KHDRBS2: variants seen among roughly 807,000 people sequenced by gnomAD.
KHDRBS2 encodes KH RNA binding domain containing, signal transduction associated 2.
A neutral mutation model predicts 44.3 loss-of-function variants in KHDRBS2; 26 were observed. The ratio of observed to expected loss-of-function variants is 0.59; its 90% CI spans 0.43 to 0.81. KHDRBS2 has a LOEUF of 0.81. Ranked by LOEUF, KHDRBS2 falls within the 40% of genes least tolerant of loss-of-function variation. The pLI is 0.00. For synonymous variants in KHDRBS2, 194 were observed against 151.1 expected (o/e 1.28, Z -2.08); for missense variants, 476 against 433.1 (o/e 1.10, Z -0.88).
At chr6:62,109,153 T>TC (rs1562883795) in intron 2 of KHDRBS2, among the ~76,000 whole-genome samples, 1 of 151,132 alleles carries the variant, frequency 6.6e-6, no homozygotes, top group African/African-American at 2.4e-5. Context: ...AAGGGACGGT[T>TC]GTCCTAGAAA....
chr6:62,129,840 T>C (rs1809864751), intron 2 of KHDRBS2, among the ~76,000 whole-genome samples: 1 of 152,136 alleles, frequency 6.6e-6, no homozygotes, highest in African/African-American at 2.4e-5. Context: ...GAGAATGGTA[T>C]TCTAGAATTT....
In KHDRBS2 at chr6:62,078,361, T is replaced by G. The variant is rs372928008; in HGVS notation, c.220-30367A>C. On this transcript the variant is annotated intron_variant, in intron 2 of 8. Transcript: ENST00000281156. ...TTATTTTATCAAAGTTTTCAGAAAT[T>G]TATCAGTTACATGGCTTTATCAGAG... 1.9e-4 allele frequency among the ~76,000 whole-genome samples: 29 copies of G among 152,148 alleles called. No homozygotes were observed. The East Asian group carries it at 5.0e-3, about 26-fold the overall frequency.
At chr6:62,235,114 AT>A (rs1833506538) in intron 1 of KHDRBS2, among the ~76,000 whole-genome samples, 1 of 147,466 alleles carries the variant, frequency 6.8e-6, no homozygotes, top group Non-Finnish European at 1.5e-5. Context: ...ATAAGGAAAC[AT>A]TGGACTAATG....
At chr6:61,891,486 T>C (rs1801829811) in intron 6 of KHDRBS2, among the ~76,000 whole-genome samples, 2 of 152,136 alleles carry the variant, frequency 1.3e-5, no homozygotes, top group African/African-American at 2.4e-5. Context: ...TTCTACTGAC[T>C]GGAATAGTTT....
the KHDRBS2 span, among the ~76,000 whole-genome samples, chr6:61,651,928 A>G: frequency 0.2 from 30,778 of 152,038 alleles, 3,608 homozygotes; most frequent in South Asian, 0.33. Flanking sequence ...TTTAATTGTA[A>G]TATTCATAGA....
chr6:62,091,031 C>T (rs1184943478), intron 2 of KHDRBS2, among the ~76,000 whole-genome samples: 1 of 152,138 alleles, frequency 6.6e-6, no homozygotes, highest in Non-Finnish European at 1.5e-5. Flanking sequence ...AATGTCAGGG[C>T]CTGTCATACT....
the KHDRBS2 span, among the ~76,000 whole-genome samples, chr6:61,587,603 T>C: frequency 1.3e-5 from 2 of 152,162 alleles, no homozygotes; most frequent in South Asian, 4.1e-4. Context: ...GTCAGTCTAA[T>C]ACAATACTAG....
At chr6:61,858,929 T>A (rs1359780636) in intron 6 of KHDRBS2, among the ~76,000 whole-genome samples, 1 of 151,858 alleles carries the variant, frequency 6.6e-6, no homozygotes, top group Non-Finnish European at 1.5e-5. Context: ...ATATTGCAAT[T>A]CATAAATTTA....
intron 3 of KHDRBS2, among the ~76,000 whole-genome samples, chr6:61,980,906 C>T (rs1773704781): frequency 3.9e-5 from 6 of 152,190 alleles, no homozygotes; most frequent in Admixed American, 3.9e-4. Flanking sequence ...CACCTTTTGA[C>T]ATAAAGAGCT....
At chr6:62,249,723 T>C (rs1836213671) in intron 1 of KHDRBS2, among the ~76,000 whole-genome samples, 1 of 152,046 alleles carries the variant, frequency 6.6e-6, no homozygotes, top group African/African-American at 2.4e-5. Context: ...ATGACTTGTG[T>C]TCTATTTCTC....
chr6:61,679,509 C>T (rs1212742739), downstream of KHDRBS2, among the ~76,000 whole-genome samples: 1 of 151,910 alleles, frequency 6.6e-6, no homozygotes, highest in Non-Finnish European at 1.5e-5. Context: ...ACCTGTTTAA[C>T]GTTTAGTCAT....
chr6:61,680,807 G>A lies in KHDRBS2; in HGVS notation c.*156C>T, dbSNP rs900434694. 1.7e-6 allele frequency: 1 copy of A among 571,504 alleles called. No individual in the cohort carries two copies. The highest frequency in any genetic ancestry group is 3.1e-6 in the Non-Finnish European group (1 of 317,522). The allele number at this position is 571,504 out of a possible 1,614,324, so 35.4% of individuals were successfully genotyped here. A position where few individuals can be genotyped will look rare whatever the true frequency, so the allele number is the denominator to read the frequency against. On this transcript the variant is annotated 3_prime_UTR_variant, in exon 9 of 9. Transcript: ENST00000281156. ...CAATGTCACGCCAACAGTACAGAGG[G>A]AAATACTAGAAATATATGGGAGTAA...
chr6:61,892,753 G>C (rs921099519), intron 6 of KHDRBS2, among the ~76,000 whole-genome samples: 1 of 152,050 alleles, frequency 6.6e-6, no homozygotes, highest in African/African-American at 2.4e-5. Flanking sequence ...AAATTAATTC[G>C]AGATGGATTA....
At chr6:61,669,139 A>G in the KHDRBS2 span, among the ~76,000 whole-genome samples, 1 of 151,108 alleles carries the variant, frequency 6.6e-6, no homozygotes, top group African/African-American at 2.4e-5. Flanking sequence ...GATTAGGGTT[A>G]CTGTACAGGA....
chr6:62,107,243 AG>A (rs1201925506), intron 2 of KHDRBS2, among the ~76,000 whole-genome samples: 7 of 152,208 alleles, frequency 4.6e-5, no homozygotes, highest in Non-Finnish European at 8.8e-5. Context: ...ACTTCAGCAA[AG>A]TCTCAGGATA....
intron 4 of KHDRBS2, among the ~76,000 whole-genome samples, chr6:61,946,921 A>T (rs999342838): frequency 2.0e-5 from 3 of 152,336 alleles, no homozygotes; most frequent in African/African-American, 7.2e-5. Flanking sequence ...AGGGCGTACA[A>T]GATTCAGCGG....
At chr6:61,565,920 T>C in the KHDRBS2 span, among the ~76,000 whole-genome samples, 1 of 152,120 alleles carries the variant, frequency 6.6e-6, no homozygotes, top group Admixed American at 6.6e-5. Flanking sequence ...CTCATGTTTA[T>C]TGCAGCACTA....
At chr6:61,863,725 G>C (rs1297683732) in intron 6 of KHDRBS2, among the ~76,000 whole-genome samples, 1 of 152,096 alleles carries the variant, frequency 6.6e-6, no homozygotes, top group African/African-American at 2.4e-5. Context: ...TTTAGAGTAA[G>C]TGCCAATTGG....
intron 2 of KHDRBS2, among the ~76,000 whole-genome samples, chr6:62,171,664 T>A (rs1820035546): frequency 7.9e-6 from 1 of 126,448 alleles, no homozygotes; most frequent in African/African-American, 2.8e-5. Flanking sequence ...TAAAAGATAT[T>A]AAAGGCAGCT....
Sources: allele counts gnomAD v4.1 joint callset (sites outside exome capture counted in the v4.1 genomes callset), GRCh38; gene constraint gnomAD v4.1.1; transcripts MANE v1.5; gene names NCBI Gene and HGNC (gene_info 2026-07-23, HGNC 2026-07-21).